Variants in TBC1D8B observed in about 807,000 individuals in gnomAD.
The protein encoded by TBC1D8B is TBC1 domain family member 8B, also known as RP11-321G1.1.
Under a neutral mutation model 82.9 loss-of-function variants are expected in TBC1D8B, and 75 were observed. That is an observed-to-expected ratio of 0.90 (90% CI 0.75 to 1.10). The LOEUF (loss-of-function observed/expected upper bound fraction) is 1.10. TBC1D8B is among the 50% of genes least tolerant of loss of function. The probability of loss-of-function intolerance (pLI) is 0.00; values close to 1 mark genes in which losing one functional copy is unlikely to be tolerated. For synonymous variants in TBC1D8B, 276 were observed against 276.8 expected, an observed-to-expected ratio of 1.00 and a Z score of 0.03; for missense variants, 794 against 796.9, an observed-to-expected ratio of 1.00 and a Z score of 0.04.
intron 1 of TBC1D8B, among the ~76,000 whole-genome samples, chrX:106,818,065 GA>G (rs1382925166): frequency 9.0e-6 from 1 of 110,935 alleles, no homozygotes; most frequent in African/African-American, 3.3e-5. Context: ...TCCCTGTACA[GA>G]AGCATTTTAT....
chrX:106,817,530 A>G (rs936986968), intron 1 of TBC1D8B, among the ~76,000 whole-genome samples: 13 of 111,711 alleles, frequency 1.2e-4, no homozygotes, highest in Non-Finnish European at 1.9e-4. Flanking sequence ...GTATAAAATT[A>G]TCTTCGGGCT....
At chrX:106,806,312 T>C (rs1453955093) in intron 1 of TBC1D8B, among the ~76,000 whole-genome samples, 1 of 112,388 alleles carries the variant, frequency 8.9e-6, no homozygotes, top group African/African-American at 3.2e-5. Context: ...AGCGGTTTTA[T>C]AGATAAAGCG....
Position 106,826,206 on chromosome X carries a change from A to G in TBC1D8B, c.1004A>G (p.Asn335Ser). The change falls in exon 6 of 21, where the codon AAT becomes AGT. Residue 335 changes from asparagine (N) to serine (S), a missense_variant. Asn to Ser is a conservative substitution (Grantham distance 46, BLOSUM62 1). Coordinates refer to ENST00000357242, the MANE Select transcript of TBC1D8B (RefSeq NM_017752.3). ...ATCTGCTTTGCTAGCCAAGATGGCA[A>G]TCAGTGTAGTGTAATCATTCCACTA... The part of the protein sequence containing the change: ...NYICFASQDG[N>S]QCSVIIPLRE... 7 of 1,210,943 alleles carry G rather than the reference A, an allele frequency of 5.8e-6. No individual in the cohort carries two copies. The highest frequency in any genetic ancestry group is 7.8e-6 in the Non-Finnish European group (7 of 894,907).
At chrX:106,856,641 T>C (rs1417531418) in intron 14 of TBC1D8B, among the ~76,000 whole-genome samples, 2 of 111,413 alleles carry the variant, frequency 1.8e-5, no homozygotes, top group Non-Finnish European at 3.8e-5. Flanking sequence ...ATACATGGGC[T>C]TTATTTTTGG....
At chrX:106,827,709 A>C (rs899901814) in intron 7 of TBC1D8B, 2 of 130,750 alleles carry the variant, frequency 1.5e-5, no homozygotes, top group Non-Finnish European at 3.0e-5. Flanking sequence ...AAGACATAGC[A>C]ATTTTAAACC....
intron 7 of TBC1D8B, among the ~76,000 whole-genome samples, chrX:106,836,670 G>A (rs1932184248): frequency 9.1e-6 from 1 of 110,376 alleles, no homozygotes; most frequent in African/African-American, 3.3e-5. Flanking sequence ...TATGTTTTAA[G>A]AGTAAAACTT....
At position 106,802,972 on chromosome X, in the gene TBC1D8B, G is replaced by C. The variant is rs754093308; in HGVS notation, c.119G>C (p.Gly40Ala). Reference sequence around the variant, plus strand: ...CGGGGCTACGGGGAGGAAGGCGGAGGGGGGCTCACAGGTAAGCTGTGGCCA... The same window carrying C: ...CGGGGCTACGGGGAGGAAGGCGGAGCGGGGCTCACAGGTAAGCTGTGGCCA... ...RRRGYGEEGG[G>A]GLTGLLVGTL... Residue 40 changes from glycine to alanine, a missense_variant, in exon 1 of 21, where the codon GGG becomes GCG. By Grantham distance (60) the Gly-to-Ala change is moderately conservative. Transcript: ENST00000357242. 3 of 1,206,709 alleles carry C rather than the reference G, an allele frequency of 2.5e-6. No homozygotes were observed. In the South Asian group the frequency reaches 5.4e-5, roughly 22 times the overall value.
intron 14 of TBC1D8B, among the ~76,000 whole-genome samples, chrX:106,862,926 C>T (rs750145442): frequency 2.7e-5 from 3 of 109,315 alleles, no homozygotes; most frequent in Non-Finnish European, 3.8e-5. Flanking sequence ...GCTACCTCTG[C>T]GGGGCTGGTA....
intron 20 of TBC1D8B, among the ~76,000 whole-genome samples, chrX:106,872,973 A>G (rs917465629): frequency 1.8e-5 from 2 of 110,599 alleles, no homozygotes; most frequent in Non-Finnish European, 3.8e-5. Flanking sequence ...TTGTCTAAGG[A>G]AAAAAAAATA....
At chrX:106,843,339 C>A (rs939317495) in intron 10 of TBC1D8B, among the ~76,000 whole-genome samples, 1 of 111,541 alleles carries the variant, frequency 9.0e-6, no homozygotes, top group African/African-American at 3.2e-5. Context: ...TTTTCTTTGT[C>A]TTTATTTTAT....
At chrX:106,841,507 G>GAA (rs11390055) in intron 10 of TBC1D8B, among the ~76,000 whole-genome samples, 86 of 110,366 alleles carry the variant, frequency 7.8e-4, no homozygotes, top group African/African-American at 2.6e-3. Flanking sequence ...AGTAGTTGGA[G>GAA]AAAAAAAATC....
In TBC1D8B at chrX:106,839,291, C is replaced by T; in HGVS notation, c.1204-17C>T. ...CGTAAGCATGCATCTGGGACAACTA[C>T]ATTCTTTCTTTTTCAGCTTGCTATT... On this transcript the variant is annotated splice_polypyrimidine_tract_variant and intron_variant, in intron 7 of 20. Transcript: ENST00000357242. 1 of 1,127,372 alleles carries T rather than the reference C, an allele frequency of 8.9e-7. No individual in the cohort carries two copies. The highest frequency in any genetic ancestry group is 1.2e-6 in the Non-Finnish European group (1 of 852,551). The allele number at this position is 1,127,372 out of a possible 1,213,427, so 92.9% of individuals were successfully genotyped here. A position where few individuals can be genotyped will look rare whatever the true frequency, so the allele number is the denominator to read the frequency against.
chrX:106,846,149 G>A (rs1287310110), intron 10 of TBC1D8B, among the ~76,000 whole-genome samples: 1 of 95,799 alleles, frequency 1.0e-5, no homozygotes, highest in Middle Eastern at 5.1e-3. Flanking sequence ...TGCCCAGGCT[G>A]GAGTGCAGTG....
At chrX:106,832,177 A>G (rs372607524) in intron 7 of TBC1D8B, among the ~76,000 whole-genome samples, 2 of 111,501 alleles carry the variant, frequency 1.8e-5, no homozygotes, top group East Asian at 5.6e-4. Flanking sequence ...AAATATGAAT[A>G]CAGGAAGTAC....
At chrX:106,828,805 G>A (rs1931935837) in intron 7 of TBC1D8B, 1 of 109,135 alleles carries the variant, frequency 9.2e-6, no homozygotes, top group Admixed American at 9.7e-5. Context: ...AATCATAAGA[G>A]CTATCTATGA....
In TBC1D8B at chrX:106,802,853, G is replaced by A. The variant is rs775993856; in HGVS notation, c.-1G>A. 4.1e-6 allele frequency: 5 copies of A among 1,210,839 alleles called. No homozygotes were observed. The South Asian group carries it at 8.8e-5, about 21-fold the overall frequency. ...TGCTCCCGGGGGGCACAAAGTTCGC[G>A]ATGTGGCTGAAGCCTGAGGAAGTGC... is the stretch of plus-strand genomic sequence containing the variant. On this transcript the variant is annotated 5_prime_UTR_variant, in exon 1 of 21. Coordinates refer to ENST00000357242, the MANE Select transcript of TBC1D8B (RefSeq NM_017752.3).
intron 2 of TBC1D8B, among the ~76,000 whole-genome samples, chrX:106,819,819 C>T (rs1337194846): frequency 7.2e-5 from 8 of 110,711 alleles, no homozygotes; most frequent in Admixed American, 1.9e-4. Flanking sequence ...GGCCTTTCTA[C>T]TTAAATAAAG....
intron 1 of TBC1D8B, chrX:106,814,425 T>C (rs1931475242): frequency 9.4e-6 from 1 of 106,431 alleles, no homozygotes; most frequent in African/African-American, 3.5e-5. Flanking sequence ...TGTGCCACAT[T>C]TTCTTAATCC....
chrX:106,841,417 A>G (rs1932304228), intron 10 of TBC1D8B, among the ~76,000 whole-genome samples: 1 of 111,769 alleles, frequency 8.9e-6, no homozygotes, highest in South Asian at 3.7e-4. Context: ...CATGTAACCG[A>G]ACATAGGTAG....
Sources: allele counts gnomAD v4.1 joint callset (sites outside exome capture counted in the v4.1 genomes callset), GRCh38; gene constraint gnomAD v4.1.1; transcripts MANE v1.5; gene names NCBI Gene and HGNC (gene_info 2026-07-23, HGNC 2026-07-21).